SPEN: variants seen among roughly 807,000 people sequenced by gnomAD.
SPEN encodes the protein spen family transcriptional repressor.
In SPEN, 18 loss-of-function variants were observed where a neutral mutation model predicts 269.9. The observed-to-expected ratio is 0.07, with a 90% CI of 0.05 to 0.10. The LOEUF is 0.10. Ranked by LOEUF, SPEN falls within the 10% of genes least tolerant of loss-of-function variation. The probability of loss-of-function intolerance (pLI) is 1.00; values close to 1 mark genes in which losing one functional copy is unlikely to be tolerated. For synonymous variants in SPEN, 1,726 were observed against 1,765.7 expected (o/e 0.98, Z 0.56); for missense variants, 3,822 against 4,631.2 (o/e 0.83, Z 5.07).
chr1:15,896,737 A>G (rs181773749), intron 3 of SPEN, among the ~76,000 whole-genome samples: 3 of 152,336 alleles, frequency 2.0e-5, no homozygotes, highest in African/African-American at 7.2e-5. Flanking sequence ...TATATCAGCA[A>G]TAAAGGGTCA....
chr1:15,935,862 G>A lies in SPEN; in HGVS notation c.9622G>A (p.Glu3208Lys), dbSNP rs200205688. Reference protein sequence around the residue: ...MVHPHVTAVSEQPRAADGVVK... With the variant: ...MVHPHVTAVSKQPRAADGVVK... ...GCATCCACATGTGACGGCAGTCAGC[G>A]AGCAGCCCAGGGCCGCGGATGGGGT... The change falls in exon 11 of 15, where the codon GAG becomes AAG. Residue 3208 changes from glutamate to lysine, a missense_variant. Glu to Lys is a moderately conservative substitution (Grantham distance 56). This residue lies in a region of SPEN where 359 missense variants were observed against 377.3 expected (regional missense o/e 0.95). Transcript: ENST00000375759. The surrounding 1 kb of genome is among the most constrained non-coding windows in gnomAD (Gnocchi z 7.7). 8 of 1,613,538 alleles carry A rather than the reference G, an allele frequency of 5.0e-6. No individual in the cohort carries two copies. Among genetic ancestry groups the A allele is most frequent in the Non-Finnish European group, 5.9e-6 (7 of 1,179,996 alleles).
rs760368002 is a variant in SPEN at position 15,876,676 on chromosome 1, C to G, written c.879C>G (p.Asp293Glu). ...SISSSSSTSSDSSDSSSSSSD... is the reference protein window; with the variant it reads ...SISSSSSTSSESSDSSSSSSD... ...GCAGCAGCAGTAGTACCAGCAGTGA[C>G]AGGTAGGTTAACAGCCTTTTGTTAT... is the stretch of plus-strand genomic sequence containing the variant. The change falls in exon 3 of 15, where the codon GAC becomes GAG. Residue 293 changes from aspartate (D) to glutamate (E), a missense_variant and splice_region_variant. Asp to Glu is a conservative substitution (Grantham distance 45). Around this residue, in one of 16 missense-constraint regions of SPEN, gnomAD observed 327 missense variants for 350.8 expected, o/e 0.93. Coordinates refer to ENST00000375759, the MANE Select transcript of SPEN (RefSeq NM_015001.3). The G allele has an allele frequency of 1.4e-5, 23 of 1,608,590 alleles. No homozygotes were observed. Among genetic ancestry groups the G allele is most frequent in the Non-Finnish European group, 1.9e-5 (22 of 1,176,246 alleles).
In SPEN at chr1:15,934,542, G is replaced by A; in HGVS notation, c.8302G>A (p.Ala2768Thr). ...GTVTMAGAVI[A>T]PSTKCKQRAS... is the part of the protein sequence containing the mutation. Reference sequence around the variant, plus strand: ...GGTGACAATGGCAGGGGCAGTGATTGCGCCGTCAACAAAGTGCAAACAGAG... The same window carrying A: ...GGTGACAATGGCAGGGGCAGTGATTACGCCGTCAACAAAGTGCAAACAGAG... The change falls in exon 11 of 15, where the codon GCG (alanine) becomes ACG (threonine). Residue 2768 changes from alanine to threonine, a missense_variant. By Grantham distance (58) the Ala-to-Thr change is moderately conservative. This residue lies in a region of SPEN where 329 missense variants were observed against 431.2 expected (regional missense o/e 0.76). Transcript: ENST00000375759. The surrounding 1 kb of genome is among the most constrained non-coding windows in gnomAD (Gnocchi z 9.2). The A allele has an allele frequency of 6.2e-7, 1 of 1,614,140 alleles. No individual in the cohort carries two copies. The highest frequency in any genetic ancestry group is 8.5e-7 in the Non-Finnish European group (1 of 1,180,048).
intron 5 of SPEN, among the ~76,000 whole-genome samples, chr1:15,912,187 A>C (rs960713423): frequency 6.6e-6 from 1 of 152,208 alleles, no homozygotes; most frequent in Non-Finnish European, 1.5e-5. Flanking sequence ...GTTATAAGGC[A>C]GGAAATCTTC....
At chr1:15,922,436 T>G in intron 10 of SPEN, 87 bp downstream of exon 10, 3 of 814,828 alleles carry the variant, frequency 3.7e-6, no homozygotes, top group Non-Finnish European at 3.9e-6. Context: ...TATTTTTCAC[T>G]CTTTACCCCT....
chr1:15,908,053 T>G (rs1191563936), intron 3 of SPEN, among the ~76,000 whole-genome samples: 5 of 152,166 alleles, frequency 3.3e-5, no homozygotes, highest in African/African-American at 1.2e-4. Context: ...TAAAGTAACA[T>G]GATCTAGTAA....
Position 15,939,310 on chromosome 1 carries a change from G to A in SPEN, c.10878G>A (p.Leu3626=). The A allele has an allele frequency of 6.3e-7, 1 of 1,594,118 alleles. No individual in the cohort carries two copies. Among genetic ancestry groups the A allele is most frequent in the Non-Finnish European group, 8.5e-7 (1 of 1,169,754 alleles). The change falls in exon 15 of 15, where the codon CTG becomes CTA. Residue 3626 remains leucine (L), a synonymous_variant. Coordinates refer to ENST00000375759, the MANE Select transcript of SPEN (RefSeq NM_015001.3). This position sits in a 1 kb window ranked among gnomAD's most constrained non-coding sequence, Gnocchi z 4.1. Reference sequence around the variant, plus strand: ...CCTGTCTCCAGCCTGCCTACGTGCTGCAGATCTTCCCGCCCTGTGAGTTCT... The same window carrying A: ...CCTGTCTCCAGCCTGCCTACGTGCTACAGATCTTCCCGCCCTGTGAGTTCT... The part of the protein sequence containing the change: ...NPGSNQPAYV[L]QIFPPCEFSE...
At chr1:15,857,005 G>C (rs1464731323) in intron 1 of SPEN, among the ~76,000 whole-genome samples, 2 of 151,812 alleles carry the variant, frequency 1.3e-5, no homozygotes, top group African/African-American at 4.8e-5. Context: ...TGAATCCCAA[G>C]TTCCTCTCGT....
At chr1:15,921,990 T>C (rs1366584675) in intron 9 of SPEN, among the ~76,000 whole-genome samples, 1 of 152,206 alleles carries the variant, frequency 6.6e-6, no homozygotes, top group Non-Finnish European at 1.5e-5. Context: ...CATTTCAGTT[T>C]TCCATTTTGC....
intron 3 of SPEN, among the ~76,000 whole-genome samples, chr1:15,881,540 GTA>G (rs923910646): frequency 2.0e-5 from 3 of 152,186 alleles, no homozygotes; most frequent in African/African-American, 7.2e-5. Flanking sequence ...ACAGAACCTA[GTA>G]TATTGCCTTT....
intron 3 of SPEN, among the ~76,000 whole-genome samples, chr1:15,890,484 C>T (rs1470177597): frequency 6.6e-6 from 1 of 151,718 alleles, no homozygotes; most frequent in Admixed American, 6.6e-5. Flanking sequence ...CCCACCCCGA[C>T]CTCCCAAAGT....
rs61756186 is a variant in SPEN, at chr1:15,933,828, A to C, written c.7588A>C (p.Ser2530Arg). 6.2e-7 allele frequency: 1 copy of C among 1,613,306 alleles called. No individual in the cohort carries two copies. Among genetic ancestry groups the C allele is most frequent in the South Asian group, 1.1e-5 (1 of 91,084 alleles). ...CACAAAGGCCTCTGATGTTGACACC[A>C]GCTCCAGCACCCTGAGGAAGATTCT... ...PDTKASDVDT[S>R]SSTLRKILMD... is the part of the protein sequence containing the mutation. The change falls in exon 11 of 15, where the codon AGC becomes CGC. Residue 2530 changes from serine (S) to arginine (R), a missense_variant. Coordinates refer to ENST00000375759, the MANE Select transcript of SPEN (RefSeq NM_015001.3). The surrounding 1 kb of genome is among the most constrained non-coding windows in gnomAD (Gnocchi z 5.7).
chr1:15,900,899 C>T (rs1465968277), intron 3 of SPEN, among the ~76,000 whole-genome samples: 1 of 151,570 alleles, frequency 6.6e-6, no homozygotes, highest in Non-Finnish European at 1.5e-5. Flanking sequence ...ACTGTGACAA[C>T]AAAAATGTTG....
At position 15,923,081 on chromosome 1, in the gene SPEN, A is replaced by G. The variant is rs1452356953; in HGVS notation, c.1850+732A>G. On this transcript the variant is annotated intron_variant, in intron 10 of 14. Coordinates refer to ENST00000375759, the MANE Select transcript of SPEN (RefSeq NM_015001.3). ...GCTCATACATTTAACTTAAAAAATA[A>G]ATAAATAAATAAAAACTTCCAAAAG... 2.0e-5 allele frequency among the ~76,000 whole-genome samples: 3 copies of G among 152,204 alleles called. No homozygotes were observed. The East Asian group carries it at 5.8e-4, about 29-fold the overall frequency.
chr1:15,931,346 G>A lies in SPEN; in HGVS notation c.5106G>A (p.Leu1702=), dbSNP rs201041689. 12 of 1,614,174 alleles carry A rather than the reference G, an allele frequency of 7.4e-6. No homozygotes were observed. The Admixed American group carries it at 1.5e-4, about 20-fold the overall frequency. ...TGGAACAGCTGGAACAAGTAGACCT[G>A]CCCCCAGGAGCAGACCCCGATAAAG... is the stretch of plus-strand genomic sequence containing the variant. ...APVEQLEQVD[L]PPGADPDKEA... is the part of the protein sequence containing the mutation. Residue 1702 remains leucine, a synonymous_variant, in exon 11 of 15, where the codon CTG becomes CTA. Transcript: ENST00000375759. The surrounding 1 kb of genome is among the most constrained non-coding windows in gnomAD (Gnocchi z 4.8).
chr1:15,929,162 T>C lies in SPEN; in HGVS notation c.2922T>C (p.Ser974=). 1 of 1,614,098 alleles carries C rather than the reference T, an allele frequency of 6.2e-7. No individual in the cohort carries two copies. Among genetic ancestry groups the C allele is most frequent in the South Asian group, 1.1e-5 (1 of 91,068 alleles). The change falls in exon 11 of 15, where the codon AGT becomes AGC. Residue 974 remains serine (S), a synonymous_variant. Coordinates refer to ENST00000375759, the MANE Select transcript of SPEN (RefSeq NM_015001.3). The surrounding 1 kb of genome is among the most constrained non-coding windows in gnomAD (Gnocchi z 5.8). ...CTGAGCAGCCTGCAGATGGGGTAAG[T>C]GCTGTGGATCTGGAGAAGCTGGAAG... ...LKPEQPADGV[S]AVDLEKLEAR...
Position 15,937,806 on chromosome 1 carries a change from G to T in SPEN, c.10510-6G>T. ...GCTCACTTCCTGTTTGTTTCCCTGT[G>T]AGCAGAAGTACCCCATCGTGTGGCA... is the stretch of plus-strand genomic sequence containing the variant. On this transcript the variant is annotated splice_region_variant and splice_polypyrimidine_tract_variant and intron_variant, in intron 12 of 14. Transcript: ENST00000375759. The surrounding 1 kb of genome is among the most constrained non-coding windows in gnomAD (Gnocchi z 5.7). 1 of 1,613,910 alleles carries T rather than the reference G, an allele frequency of 6.2e-7. No homozygotes were observed. Among genetic ancestry groups the T allele is most frequent in the Non-Finnish European group, 8.5e-7 (1 of 1,179,938 alleles).
rs564799201 is a variant in SPEN at position 15,936,190 on chromosome 1, C to T, written c.9950C>T (p.Pro3317Leu). The T allele has an allele frequency of 2.5e-5, 40 of 1,591,546 alleles. No homozygotes were observed. Among genetic ancestry groups the T allele is most frequent in the Non-Finnish European group, 2.7e-5 (31 of 1,164,686 alleles). ...RYGDIRTYHP[P>L]AQLTHTQFPA... ...GGCGACATCCGCACCTACCACCCCC[C>T]GGCCCAGCTCACACACACTCAGTTT... The change falls in exon 11 of 15, where the codon CCG becomes CTG. Residue 3317 changes from proline to leucine, a missense_variant. Physicochemically the swap from Pro to Leu is moderately conservative, Grantham distance 98. Transcript: ENST00000375759.
intron 3 of SPEN, among the ~76,000 whole-genome samples, chr1:15,899,758 T>G (rs1400379217): frequency 6.6e-6 from 1 of 152,058 alleles, no homozygotes; most frequent in Non-Finnish European, 1.5e-5. Context: ...AGAAATGTCT[T>G]TGAAGTCTTT....
Sources: gnomAD v4.1 joint callset for allele counts (sites outside exome capture counted in the v4.1 genomes callset) on GRCh38, gnomAD v4.1.1 for gene constraint, gnomAD v4.1.1 regional missense constraint, Gnocchi (gnomAD v3.1) non-coding constraint, MANE v1.5 for transcripts, NCBI Gene and HGNC (gene_info 2026-07-23, HGNC 2026-07-21) for gene names.